KMT2C: variants seen among roughly 807,000 people sequenced by gnomAD.
KMT2C encodes histone-lysine N-methyltransferase 2C.
KMT2C carries 88 observed loss-of-function variants against 507.9 expected under a neutral mutation model. That is an observed-to-expected ratio of 0.17 (90% confidence interval 0.15 to 0.21). KMT2C has a LOEUF of 0.21. Among genes scored for constraint, KMT2C ranks in the 10% least tolerant of loss-of-function variants. The pLI, the probability that KMT2C is intolerant of heterozygous loss-of-function variation, is 1.00. For synonymous variants in KMT2C, 2,049 were observed against 2,080.8 expected (o/e 0.98, Z 0.42); for missense variants, 4,954 against 5,957.8 (o/e 0.83, Z 5.55).
chr7:152,289,714 A>G (rs976118235), intron 6 of KMT2C, among the ~76,000 whole-genome samples: 8 of 152,180 alleles, frequency 5.3e-5, no homozygotes, highest in Non-Finnish European at 1.2e-4. Context: ...CAATACTTAA[A>G]GACTTTTCTG....
chr7:152,353,531 T>C (rs1438271325), intron 2 of KMT2C, among the ~76,000 whole-genome samples: 4 of 152,186 alleles, frequency 2.6e-5, no homozygotes, highest in Admixed American at 2.6e-4. Context: ...TCTCACTCTG[T>C]TACCCAGACT....
At chr7:152,230,710 G>A (rs1048274340) in intron 16 of KMT2C, among the ~76,000 whole-genome samples, 1 of 152,122 alleles carries the variant, frequency 6.6e-6, no homozygotes, top group Non-Finnish European at 1.5e-5. Context: ...GAGATGTCCT[G>A]CAAACATAAA....
rs2129118347 is a variant in KMT2C at position 152,180,112 on chromosome 7, A to T, written c.7164T>A (p.Arg2388=). The change falls in exon 37 of 59, where the codon CGT becomes CGA. Residue 2388 remains arginine (R), a synonymous_variant. Coordinates refer to ENST00000262189, the MANE Select transcript of KMT2C (RefSeq NM_170606.3). The stretch of plus-strand genomic sequence containing the variant: ...GCTGTTGCTGCTGGAGAATGATTTC[A>T]CGTAACTTCTGCCGCTAAATGGGAA... ...TEKLRQRQKL[R]EIILQQQQQK... 6.2e-7 allele frequency: 1 copy of T among 1,614,120 alleles called. No individual in the cohort carries two copies. Among genetic ancestry groups the T allele is most frequent in the Non-Finnish European group, 8.5e-7 (1 of 1,180,014 alleles).
chr7:152,357,930 C>A (rs1281487150), intron 2 of KMT2C, among the ~76,000 whole-genome samples: 1 of 152,178 alleles, frequency 6.6e-6, no homozygotes, highest in Non-Finnish European at 1.5e-5. Context: ...AAAAGCCTAT[C>A]ACTGTGTCTA....
chr7:152,281,526 GT>G (rs1000710221), intron 6 of KMT2C, among the ~76,000 whole-genome samples: 1 of 152,184 alleles, frequency 6.6e-6, no homozygotes, highest in African/African-American at 2.4e-5. Flanking sequence ...GAGGTCAGGA[GT>G]TTGAGACCAT....
At chr7:152,306,198 T>C (rs1234926265) in intron 6 of KMT2C, among the ~76,000 whole-genome samples, 2 of 152,222 alleles carry the variant, frequency 1.3e-5, no homozygotes, top group Non-Finnish European at 2.9e-5. Context: ...TATCCTCTTT[T>C]ATGTGAATTT....
chr7:152,329,343 T>C (rs988585926), intron 3 of KMT2C, among the ~76,000 whole-genome samples: 1 of 151,950 alleles, frequency 6.6e-6, no homozygotes, highest in Admixed American at 6.6e-5. Flanking sequence ...GACAGGAGGA[T>C]TGCTTTAGCC....
chr7:152,250,924 A>G lies in KMT2C; in HGVS notation c.1664T>C (p.Met555Thr), dbSNP rs2095553174. The change falls in exon 12 of 59, where the codon ATG becomes ACG. Residue 555 changes from methionine (M) to threonine (T), a missense_variant. Physicochemically the swap from Met to Thr is moderately conservative, Grantham distance 81 (BLOSUM62 -1). Transcript: ENST00000262189. ...ATTAGCTGCCTGCTCTGAGAATACC[A>G]TTTGATCTTCAGGGCCTTCAACTTC... ...EMEVEGPEDQ[M>T]VFSEQAANKD... 6.2e-7 allele frequency: 1 copy of G among 1,610,552 alleles called. No homozygotes were observed. Among genetic ancestry groups the G allele is most frequent in the Non-Finnish European group, 8.5e-7 (1 of 1,176,866 alleles).
At chr7:152,407,705 A>C (rs2097632576) in intron 1 of KMT2C, among the ~76,000 whole-genome samples, 1 of 152,142 alleles carries the variant, frequency 6.6e-6, no homozygotes, top group African/African-American at 2.4e-5. Flanking sequence ...GGAAAAAAAA[A>C]AAATAGGTCA....
intron 3 of KMT2C, among the ~76,000 whole-genome samples, chr7:152,318,317 G>T (rs1169560406): frequency 6.7e-6 from 1 of 150,006 alleles, no homozygotes; most frequent in Admixed American, 6.6e-5. Context: ...CTAACAATTG[G>T]GTGCAGCTGG....
intron 1 of KMT2C, among the ~76,000 whole-genome samples, chr7:152,421,454 A>G (rs541654485): frequency 6.6e-6 from 1 of 152,212 alleles, no homozygotes; most frequent in Non-Finnish European, 1.5e-5. Context: ...TGTTCATCAC[A>G]GGACTTTGCA....
Position 152,155,998 on chromosome 7 carries a change from A to C in KMT2C, c.11872T>G (p.Leu3958Val). 1 of 1,610,226 alleles carries C rather than the reference A, an allele frequency of 6.2e-7. No homozygotes were observed. The highest frequency in any genetic ancestry group is 1.3e-5 in the African/African-American group (1 of 74,642). Residue 3958 changes from leucine to valine, a missense_variant, in exon 46 of 59, where the codon TTG becomes GTG. Around this residue, in one of 29 missense-constraint regions of KMT2C, gnomAD observed 104 missense variants for 134.3 expected, o/e 0.77. Coordinates refer to ENST00000262189, the MANE Select transcript of KMT2C (RefSeq NM_170606.3). ...QLPFRPQDDL[L>V]ARALAQGPKT... Reference sequence around the variant, plus strand: ...GGGCCCTGAGCAAGAGCTCGGGCCAACAAGTCGTCCTGGGGTCTGAAGGGC... The same window carrying C: ...GGGCCCTGAGCAAGAGCTCGGGCCACCAAGTCGTCCTGGGGTCTGAAGGGC...
intron 18 of KMT2C, 58 bp from the exon 19 acceptor site, chr7:152,224,674 T>C (rs918622300): frequency 5.8e-5 from 51 of 872,330 alleles, no homozygotes; most frequent in Admixed American, 2.3e-5. Context: ...TAATCAAATA[T>C]ACTATATAAA....
At chr7:152,158,120 T>G (rs1338312379) in intron 44 of KMT2C, among the ~76,000 whole-genome samples, 1 of 152,220 alleles carries the variant, frequency 6.6e-6, no homozygotes, top group Admixed American at 6.5e-5. Context: ...CTGTACTAAA[T>G]GAATGCTGCC....
At chr7:152,199,250 A>G (rs2094059004) in intron 27 of KMT2C, 29 bp downstream of exon 27, 1 of 1,537,626 alleles carries the variant, frequency 6.5e-7, no homozygotes, top group African/African-American at 1.4e-5. Context: ...TATGATATAA[A>G]GAAAATATCT....
Position 152,181,013 on chromosome 7 carries a change from G to C in KMT2C, c.6847C>G (p.Leu2283Val), listed in dbSNP as rs771120073. 1 of 1,614,208 alleles carries C rather than the reference G, an allele frequency of 6.2e-7. No individual in the cohort carries two copies. Among genetic ancestry groups the C allele is most frequent in the Non-Finnish European group, 8.5e-7 (1 of 1,180,034 alleles). ...SQTPRPPGPG[L>V]SDTFSRVSPS... ...GAAACACGGCTAAATGTGTCTGAAA[G>C]ACCAGGTCCAGGGGGCCTAGGTGTC... is the stretch of plus-strand genomic sequence containing the variant. The change falls in exon 36 of 59, where the codon CTT (leucine) becomes GTT (valine). Residue 2283 changes from leucine (L) to valine (V), a missense_variant. Leu to Val is a conservative substitution (Grantham distance 32). Around this residue, in one of 29 missense-constraint regions of KMT2C, gnomAD observed 1,689 missense variants for 1,654.3 expected, o/e 1.02. Coordinates refer to ENST00000262189, the MANE Select transcript of KMT2C (RefSeq NM_170606.3).
intron 2 of KMT2C, among the ~76,000 whole-genome samples, chr7:152,331,161 A>T (rs187522755): frequency 1.1e-4 from 16 of 152,202 alleles, no homozygotes; most frequent in African/African-American, 3.4e-4. Flanking sequence ...TGTAAAAATT[A>T]GCCAGGCAAG....
At chr7:152,255,268 G>C (rs1048731973) in intron 9 of KMT2C, among the ~76,000 whole-genome samples, 2 of 151,088 alleles carry the variant, frequency 1.3e-5, no homozygotes, top group Admixed American at 6.6e-5. Flanking sequence ...CTGGGCTCAA[G>C]TGATCCTCTC....
intron 2 of KMT2C, among the ~76,000 whole-genome samples, chr7:152,352,885 C>G (rs915395162): frequency 6.6e-6 from 1 of 152,150 alleles, no homozygotes; most frequent in Admixed American, 6.5e-5. Context: ...AGCCAGCTGA[C>G]AAGGGGCTCC....
Sources: gnomAD v4.1 joint callset for allele counts (sites outside exome capture counted in the v4.1 genomes callset) on GRCh38, gnomAD v4.1.1 for gene constraint, gnomAD v4.1.1 regional missense constraint, MANE v1.5 for transcripts, NCBI Gene and HGNC (gene_info 2026-07-23, HGNC 2026-07-21) for gene names.